BRINP3: variants seen among roughly 807,000 people sequenced by gnomAD.
The protein encoded by BRINP3 is BMP/retinoic acid inducible neural specific 3, also known as BMP/retinoic acid-inducible neural-specific protein 3.
A neutral mutation model predicts 71.0 loss-of-function variants in BRINP3; 19 were observed. The ratio of observed to expected loss-of-function variants is 0.27; its 90% CI spans 0.19 to 0.39. BRINP3 has a LOEUF of 0.39. Among genes scored for constraint, BRINP3 ranks in the 10% least tolerant of loss-of-function variants. The pLI, the probability that BRINP3 is intolerant of heterozygous loss-of-function variation, is 1.00. For synonymous variants in BRINP3, 380 were observed against 337.7 expected, an observed-to-expected ratio of 1.13 and a Z score of -1.37; for missense variants, 959 against 940.8, an observed-to-expected ratio of 1.02 and a Z score of -0.25.
chr1:190,259,882 A>T (rs1661023489), intron 4 of BRINP3, among the ~76,000 whole-genome samples: 1 of 151,586 alleles, frequency 6.6e-6, no homozygotes. Context: ...TACAAAAATT[A>T]GCCAGGCGTG....
chr1:190,263,301 G>A (rs958695898), intron 4 of BRINP3, among the ~76,000 whole-genome samples: 18 of 151,858 alleles, frequency 1.2e-4, no homozygotes, highest in East Asian at 1.2e-3. Context: ...TTATCTGTAC[G>A]GCATAAATAT....
At chr1:190,150,094 A>C (rs183190534) in intron 7 of BRINP3, among the ~76,000 whole-genome samples, 1 of 152,234 alleles carries the variant, frequency 6.6e-6, no homozygotes, top group East Asian at 1.9e-4. Context: ...TGCATCTCAT[A>C]ATATGTAGTT....
chr1:190,363,366 A>T (rs1182981), intron 2 of BRINP3, among the ~76,000 whole-genome samples: 1 of 151,976 alleles, frequency 6.6e-6, no homozygotes, highest in East Asian at 1.9e-4. Flanking sequence ...AACTCCTGAC[A>T]CGCAGAAATA....
chr1:190,200,444 A>G (rs1305696692), intron 6 of BRINP3, among the ~76,000 whole-genome samples: 1 of 152,158 alleles, frequency 6.6e-6, no homozygotes, highest in Non-Finnish European at 1.5e-5. Flanking sequence ...AGCAGACTAC[A>G]CAAATGGATG....
At chr1:190,370,667 T>TA (rs1388528522) in intron 2 of BRINP3, among the ~76,000 whole-genome samples, 1 of 152,204 alleles carries the variant, frequency 6.6e-6, no homozygotes, top group African/African-American at 2.4e-5. Context: ...TTGGCTAAGG[T>TA]AAGGCAGGGC....
At chr1:190,414,131 A>C (rs2102423563) in intron 2 of BRINP3, among the ~76,000 whole-genome samples, 1 of 152,160 alleles carries the variant, frequency 6.6e-6, no homozygotes, top group East Asian at 1.9e-4. Context: ...TTTTTCTGGT[A>C]AAAATCATGC....
intron 3 of BRINP3, among the ~76,000 whole-genome samples, chr1:190,276,044 A>C (rs1387553932): frequency 2.6e-5 from 4 of 151,558 alleles, no homozygotes; most frequent in Non-Finnish European, 1.5e-5. Flanking sequence ...GATTAATTTT[A>C]ATAAATATCA....
In BRINP3 at chr1:190,310,941, C is replaced by T. The variant is rs148532220; in HGVS notation, c.237-29191G>A. ...ACAATATAATTCAAGTGAGTGAATA[C>T]CTGCTAGTGCATGTTACTTAATTCC... On this transcript the variant is annotated intron_variant, in intron 2 of 7. Transcript: ENST00000367462. 4.2e-3 allele frequency among the ~76,000 whole-genome samples: 644 copies of T among 151,796 alleles called. 8 individuals carry two copies. The highest frequency in any genetic ancestry group is 0.017 in the Middle Eastern group (5 of 294).
chr1:190,331,970 T>G (rs1666993546), intron 2 of BRINP3, among the ~76,000 whole-genome samples: 1 of 152,014 alleles, frequency 6.6e-6, no homozygotes. Flanking sequence ...TTGTTATTAT[T>G]ATCTTTTCGT....
chr1:190,428,295 C>G (rs974805918), intron 2 of BRINP3, among the ~76,000 whole-genome samples: 1 of 151,896 alleles, frequency 6.6e-6, no homozygotes, highest in Non-Finnish European at 1.5e-5. Context: ...AATTTGTTAA[C>G]AGCAACAATA....
chr1:190,373,190 G>A lies in BRINP3; in HGVS notation c.236+81465C>T, dbSNP rs575555635. 3.3e-5 allele frequency among the ~76,000 whole-genome samples: 5 copies of A among 152,192 alleles called. No homozygotes were observed. The East Asian group carries it at 7.7e-4, about 24-fold the overall frequency. Reference sequence around the variant, plus strand: ...TGATCGCCTGAGGTCAGGAGTTCCAGATCAGCCTGGCTAACATGGCGAAAC... The same window carrying A: ...TGATCGCCTGAGGTCAGGAGTTCCAAATCAGCCTGGCTAACATGGCGAAAC... On this transcript the variant is annotated intron_variant, in intron 2 of 7. Transcript: ENST00000367462.
At position 190,326,295 on chromosome 1, in the gene BRINP3, A is replaced by T. The variant is rs148021299; in HGVS notation, c.237-44545T>A. Among the ~76,000 whole-genome samples the T allele has an allele frequency of 2.3e-3, 346 of 152,220 alleles. 4 individuals carry two copies. Among genetic ancestry groups the T allele is most frequent in the Admixed American group, 0.021 (316 of 15,268 alleles). ...GAGAAATATGGAGTTATGTAAAGTG[A>T]CCAAAGCAATGAATTATTGGCATTC... On this transcript the variant is annotated intron_variant, in intron 2 of 7. Coordinates refer to ENST00000367462, the MANE Select transcript of BRINP3 (RefSeq NM_199051.3).
chr1:190,106,655 A>G (rs1022502870), intron 7 of BRINP3, among the ~76,000 whole-genome samples: 5 of 151,432 alleles, frequency 3.3e-5, no homozygotes, highest in African/African-American at 1.2e-4. Context: ...GATTTTTAAA[A>G]ACATATATTT....
chr1:190,378,763 C>A (rs935396272), intron 2 of BRINP3, among the ~76,000 whole-genome samples: 2 of 152,134 alleles, frequency 1.3e-5, no homozygotes, highest in Non-Finnish European at 1.5e-5. Flanking sequence ...TGGTCCCCTC[C>A]AATGCAACAG....
At chr1:190,465,897 C>A (rs745691106) in intron 1 of BRINP3, among the ~76,000 whole-genome samples, 1 of 151,632 alleles carries the variant, frequency 6.6e-6, no homozygotes, top group Non-Finnish European at 1.5e-5. Context: ...AAGATTAAAA[C>A]GATATGTAGA....
chr1:190,361,488 C>A (rs1335029493), intron 2 of BRINP3, among the ~76,000 whole-genome samples: 1 of 151,984 alleles, frequency 6.6e-6, no homozygotes, highest in African/African-American at 2.4e-5. Context: ...CTGCAACCCC[C>A]GCCTCCAGGG....
In BRINP3 at chr1:190,412,749, TG is replaced by T. The variant is rs1220155104; in HGVS notation, c.236+41905del. Among the ~76,000 whole-genome samples the T allele has an allele frequency of 2.6e-5, 4 of 152,180 alleles. No individual in the cohort carries two copies. The East Asian group carries it at 7.7e-4, about 29-fold the overall frequency. On this transcript the variant is annotated intron_variant, in intron 2 of 7. Coordinates refer to ENST00000367462, the MANE Select transcript of BRINP3 (RefSeq NM_199051.3). ...AGTGCTGGGATTACAGGCGTGAGTA[TG>T]TAGTACTTTAATTACTACTAGTATG...
intron 2 of BRINP3, among the ~76,000 whole-genome samples, chr1:190,453,201 G>GTTTTTTTTTTTTTTTTTTTTTTT (rs745819844): frequency 2.6e-5 from 1 of 37,852 alleles, no homozygotes. Flanking sequence ...AAAAACTTTA[G>GTTTTTTTTTTTTTTTTTTTTTTT]TATTTTTTTT....
At chr1:190,184,951 A>G (rs1452830859) in intron 6 of BRINP3, among the ~76,000 whole-genome samples, 1 of 152,164 alleles carries the variant, frequency 6.6e-6, no homozygotes, top group Non-Finnish European at 1.5e-5. Context: ...TCCATACATA[A>G]ACATAAACTC....
Sources: allele counts gnomAD v4.1 joint callset (sites outside exome capture counted in the v4.1 genomes callset), GRCh38; gene constraint gnomAD v4.1.1; transcripts MANE v1.5; gene names NCBI Gene and HGNC (gene_info 2026-07-23, HGNC 2026-07-21).